The following TOM1 variants were observed in gnomAD, a reference collection of about 807,000 sequenced individuals.
TOM1 encodes the protein target of Myb protein 1.
In TOM1, 38 loss-of-function variants were observed where a neutral mutation model predicts 61.3. The ratio of observed to expected loss-of-function variants is 0.62; its 90% CI spans 0.48 to 0.81. The LOEUF (loss-of-function observed/expected upper bound fraction) is 0.81. Among genes scored for constraint, TOM1 ranks in the 40% least tolerant of loss-of-function variants. The pLI, the probability that TOM1 is intolerant of heterozygous loss-of-function variation, is 0.00. For synonymous variants in TOM1, 270 were observed against 268.8 expected (o/e 1.00, Z -0.04); for missense variants, 591 against 659.6 (o/e 0.90, Z 1.14).
chr22:35,313,173 C>A (rs1223033295), intron 1 of TOM1, among the ~76,000 whole-genome samples: 1 of 151,920 alleles, frequency 6.6e-6, no homozygotes, highest in African/African-American at 2.4e-5. Context: ...ATGGTGAAGC[C>A]CCATCTCTAC....
rs570087713 is a variant in TOM1, at chr22:35,301,527, C to T, written c.52+1547C>T. On this transcript the variant is annotated intron_variant, in intron 1 of 14. Transcript: ENST00000449058. ...TTGCATGAAGAAACCATCGCATTAC[C>T]GTGAAATTACTCTTCATCTTTTTTG... Among the ~76,000 whole-genome samples the T allele has an allele frequency of 1.5e-3, 232 of 152,268 alleles. 1 individual carries two copies. The highest frequency in any genetic ancestry group is 5.2e-3 in the African/African-American group (217 of 41,548).
intron 6 of TOM1, among the ~76,000 whole-genome samples, chr22:35,324,530 T>C (rs1928146940): frequency 6.6e-6 from 1 of 151,746 alleles, no homozygotes; most frequent in African/African-American, 2.4e-5. Flanking sequence ...CTGCTTCCCA[T>C]GAAGTCTCAA....
chr22:35,325,885 C>A (rs986067057), intron 6 of TOM1, among the ~76,000 whole-genome samples: 2 of 152,160 alleles, frequency 1.3e-5, no homozygotes, highest in Admixed American at 1.3e-4. Context: ...CTCCCAGACT[C>A]CTCTGTAATT....
chr22:35,306,656 G>A (rs1463165831), intron 1 of TOM1, among the ~76,000 whole-genome samples: 1 of 152,186 alleles, frequency 6.6e-6, no homozygotes, highest in East Asian at 1.9e-4. Flanking sequence ...TAGGGCTGTC[G>A]TGTTGTTGTG....
intron 1 of TOM1, among the ~76,000 whole-genome samples, chr22:35,304,784 C>T (rs1454464528): frequency 6.6e-6 from 1 of 152,240 alleles, no homozygotes; most frequent in East Asian, 1.9e-4. Context: ...GGCCTACTGG[C>T]TCTGTTTTAT....
intron 7 of TOM1, among the ~76,000 whole-genome samples, chr22:35,329,928 T>A (rs1280536336): frequency 6.6e-6 from 1 of 152,156 alleles, no homozygotes; most frequent in East Asian, 1.9e-4. Context: ...GAAGTCCAGT[T>A]TGGGCACCTC....
intron 1 of TOM1, among the ~76,000 whole-genome samples, chr22:35,307,995 A>G (rs1926477668): frequency 6.6e-6 from 1 of 152,232 alleles, no homozygotes; most frequent in African/African-American, 2.4e-5. Context: ...TGCCCTCAAT[A>G]ACATGGGTGG....
chr22:35,309,780 T>C (rs1048144244), intron 1 of TOM1, among the ~76,000 whole-genome samples: 3 of 152,158 alleles, frequency 2.0e-5, no homozygotes, highest in Admixed American at 1.3e-4. Context: ...TTGACCACAT[T>C]GGTTTCATCC....
In TOM1 at chr22:35,327,456, C is replaced by G. The variant is rs542048704; in HGVS notation, c.765+69C>G. 73 of 1,102,762 alleles carry G rather than the reference C, an allele frequency of 6.6e-5. No individual in the cohort carries two copies. In the African/African-American group the frequency reaches 1.0e-3, roughly 16 times the overall value. 68.3% of individuals were successfully genotyped at this position (1,102,762 alleles called of 1,614,324 possible). ...CCAGCTGCCCACATGCATTCTTTCCCAATCCTCATGACAGTCTTCATGGCT... is the reference window on the plus strand; with the variant it reads ...CCAGCTGCCCACATGCATTCTTTCCGAATCCTCATGACAGTCTTCATGGCT... On this transcript the variant is annotated intron_variant, in intron 7 of 14. Coordinates refer to ENST00000449058, the MANE Select transcript of TOM1 (RefSeq NM_005488.3).
chr22:35,330,502 G>C, intron 8 of TOM1, 22 bp downstream of exon 8: 1 of 1,595,142 alleles, frequency 6.3e-7, no homozygotes, highest in African/African-American at 1.3e-5. Flanking sequence ...ACCTCCCCTG[G>C]CCTCTGGCCT....
intron 6 of TOM1, among the ~76,000 whole-genome samples, chr22:35,324,494 A>C (rs1015627275): frequency 1.3e-5 from 2 of 152,118 alleles, no homozygotes; most frequent in African/African-American, 4.8e-5. Flanking sequence ...TGCAAAAAAT[A>C]AAAAACATAT....
intron 1 of TOM1, among the ~76,000 whole-genome samples, chr22:35,305,229 C>T (rs929801999): frequency 2.6e-5 from 4 of 152,220 alleles, no homozygotes; most frequent in South Asian, 2.1e-4. Context: ...AACTATGTCA[C>T]GGTCCCTCTC....
At chr22:35,330,557 C>T (rs917019751) in intron 8 of TOM1, 77 bp downstream of exon 8, 2 of 1,401,670 alleles carry the variant, frequency 1.4e-6, no homozygotes, top group African/African-American at 2.9e-5. Context: ...TTCTCCTGGT[C>T]TCATGCCATC....
At chr22:35,339,134 C>A (rs551102226) in intron 12 of TOM1, among the ~76,000 whole-genome samples, 3 of 152,116 alleles carry the variant, frequency 2.0e-5, no homozygotes, top group Non-Finnish European at 4.4e-5. Context: ...AGTTCAAGAC[C>A]AGCCTGGCCA....
intron 1 of TOM1, among the ~76,000 whole-genome samples, chr22:35,302,422 G>A (rs138736): frequency 0.52 from 73,578 of 141,868 alleles, 21,770 homozygotes; most frequent in Non-Finnish European, 0.65. Flanking sequence ...TGCAACTTCC[G>A]CCTCCCGGGT....
chr22:35,337,659 T>C (rs193188791), intron 11 of TOM1, among the ~76,000 whole-genome samples: 4 of 152,370 alleles, frequency 2.6e-5, no homozygotes, highest in Admixed American at 2.6e-4. Context: ...CAAGCTGGTA[T>C]TGCAAGAGTT....
chr22:35,335,108 G>A (rs980813536), intron 11 of TOM1, among the ~76,000 whole-genome samples: 2 of 152,180 alleles, frequency 1.3e-5, no homozygotes, highest in African/African-American at 4.8e-5. Flanking sequence ...GCCGGGACCT[G>A]CGGGAGAACT....
chr22:35,331,156 C>T (rs1034141847), intron 8 of TOM1: 4 of 314,648 alleles, frequency 1.3e-5, no homozygotes, highest in Non-Finnish European at 2.5e-5. Flanking sequence ...AGTATAGTGG[C>T]ATGATCACAG....
chr22:35,327,564 T>A (rs1209244912), intron 7 of TOM1, among the ~76,000 whole-genome samples, 177 bp downstream of exon 7: 2 of 152,352 alleles, frequency 1.3e-5, no homozygotes, highest in East Asian at 3.9e-4. Flanking sequence ...AGATCGCAGC[T>A]CTACCACTTT....
Sources: allele counts gnomAD v4.1 joint callset (sites outside exome capture counted in the v4.1 genomes callset), GRCh38; gene constraint gnomAD v4.1.1; transcripts MANE v1.5; gene names NCBI Gene and HGNC (gene_info 2026-07-23, HGNC 2026-07-21).